The following USP16 variants were observed in gnomAD, a reference collection of about 807,000 sequenced individuals.
The protein encoded by USP16 is ubiquitin carboxyl-terminal hydrolase 16.
USP16 carries 77 observed loss-of-function variants against 95.9 expected under a neutral mutation model. The ratio of observed to expected loss-of-function variants is 0.80; its 90% confidence interval spans 0.67 to 0.97. The LOEUF is 0.97. Ranked by LOEUF, USP16 falls within the 50% of genes least tolerant of loss-of-function variation. The probability of loss-of-function intolerance (pLI) is 0.00; values close to 1 mark genes in which losing one functional copy is unlikely to be tolerated. For synonymous variants in USP16, 303 were observed against 318.2 expected (o/e 0.95, Z 0.51); for missense variants, 943 against 959.9 (o/e 0.98, Z 0.23).
chr21:29,046,893 A>G lies in USP16; in HGVS notation c.1583A>G (p.Asn528Ser). The G allele has an allele frequency of 6.2e-7, 1 of 1,614,206 alleles. No homozygotes were observed. The highest frequency in any genetic ancestry group is 8.5e-7 in the Non-Finnish European group (1 of 1,180,034). Residue 528 changes from asparagine to serine, a missense_variant, in exon 14 of 18, where the codon AAT becomes AGT. Transcript: ENST00000399976. ...AAAATGATCGAAAGTGTAACTGACAATCAAAAATCCACAGAGGAAGTAGAT... is the reference window on the plus strand; with the variant it reads ...AAAATGATCGAAAGTGTAACTGACAGTCAAAAATCCACAGAGGAAGTAGAT... ...QAKMIESVTDNQKSTEEVDMK... is the reference protein window; with the variant it reads ...QAKMIESVTDSQKSTEEVDMK...
intron 1 of USP16, 49 bp downstream of exon 1, chr21:29,024,826 G>A (rs1369479704): frequency 8.0e-7 from 1 of 1,247,184 alleles, no homozygotes; most frequent in Admixed American, 2.7e-5. Flanking sequence ...CTGGCTTTCT[G>A]CGCTGGGAGA....
At chr21:29,037,792 C>G (rs1005259429) in intron 6 of USP16, among the ~76,000 whole-genome samples, 11 of 152,120 alleles carry the variant, frequency 7.2e-5, no homozygotes, top group South Asian at 6.2e-4. Context: ...CGCCATGTTG[C>G]CTAGGCTAGT....
At chr21:29,027,597 G>C (rs927769917) in intron 1 of USP16, among the ~76,000 whole-genome samples, 1 of 152,216 alleles carries the variant, frequency 6.6e-6, no homozygotes, top group African/African-American at 2.4e-5. Flanking sequence ...TTCAAGATCT[G>C]TGTAAGATGA....
At chr21:29,029,209 C>G (rs551031265) in intron 2 of USP16, among the ~76,000 whole-genome samples, 11 of 152,214 alleles carry the variant, frequency 7.2e-5, no homozygotes, top group South Asian at 2.1e-4. Context: ...GTCAGGAGAT[C>G]GAGACCATCC....
chr21:29,043,270 T>C, intron 12 of USP16, 153 bp from the exon 13 acceptor site: 1 of 517,084 alleles, frequency 1.9e-6, no homozygotes, highest in Non-Finnish European at 3.1e-6. Context: ...GTGTATGAGA[T>C]AAACGAATTT....
intron 1 of USP16, 82 bp from the exon 2 acceptor site, chr21:29,027,791 G>A: frequency 1.1e-6 from 1 of 901,600 alleles, no homozygotes; most frequent in Non-Finnish European, 1.8e-6. Flanking sequence ...TAATATACGT[G>A]GCTTAGTTAT....
In USP16 at chr21:29,050,139, A is replaced by G. The variant is rs2085392329; in HGVS notation, c.2154A>G (p.Glu718=). The G allele has an allele frequency of 6.2e-7, 1 of 1,613,578 alleles. No homozygotes were observed. Among genetic ancestry groups the G allele is most frequent in the African/African-American group, 1.3e-5 (1 of 74,914 alleles). ...RKVNKHIKFP[E]ILDLAPFCTL... ...TTAACAAACACATAAAGTTTCCGGA[A>G]ATCTTAGATTTGGCTCCTTTTTGCA... The change falls in exon 16 of 18, where the codon GAA becomes GAG. Residue 718 remains glutamate, a synonymous_variant. Transcript: ENST00000399976.
Position 29,053,741 on chromosome 21 carries a change from G to C in USP16, c.2194-61G>C, listed in dbSNP as rs145535662. The C allele has an allele frequency of 2.1e-5, 33 of 1,545,524 alleles. No homozygotes were observed. The East Asian group carries it at 6.7e-4, about 32-fold the overall frequency. On this transcript the variant is annotated intron_variant, in intron 16 of 17. Transcript: ENST00000399976. ...CCTTTGCATAGTGTAAACTTGTCTT[G>C]CCCATGACATCTGTGTAAATGGAAC...
At chr21:29,040,481 G>C (rs1055832823) in intron 9 of USP16, 128 bp from the exon 10 acceptor site, 4 of 330,852 alleles carry the variant, frequency 1.2e-5, no homozygotes, top group Non-Finnish European at 1.6e-5. Flanking sequence ...TTGAAAATGT[G>C]ATTTTGGAAT....
Position 29,043,415 on chromosome 21 carries a change from A to G in USP16, c.1180-8A>G. 1 of 1,484,130 alleles carries G rather than the reference A, an allele frequency of 6.7e-7. No homozygotes were observed. The highest frequency in any genetic ancestry group is 8.9e-7 in the Non-Finnish European group (1 of 1,121,242). 91.9% of individuals were successfully genotyped at this position (1,484,130 alleles called of 1,614,324 possible). On this transcript the variant is annotated splice_region_variant and splice_polypyrimidine_tract_variant and intron_variant, in intron 12 of 17. Coordinates refer to ENST00000399976, the MANE Select transcript of USP16 (RefSeq NM_006447.3). ...TTTGTTTTTGACCTATGTTATCTAT[A>G]TTTTAAGAGTGGTAAGAAAAGTGTA...
At chr21:29,026,285 G>A (rs989954441) in intron 1 of USP16, among the ~76,000 whole-genome samples, 5 of 151,862 alleles carry the variant, frequency 3.3e-5, no homozygotes, top group African/African-American at 1.2e-4. Flanking sequence ...GTGAAACCCC[G>A]TCTCTACTAA....
chr21:29,038,603 G>T (rs1488317381), intron 7 of USP16, among the ~76,000 whole-genome samples, 173 bp downstream of exon 7: 1 of 152,146 alleles, frequency 6.6e-6, no homozygotes, highest in African/African-American at 2.4e-5. Context: ...CATTACATCT[G>T]TTTGCTGTGT....
At chr21:29,025,817 G>A (rs1212093404) in intron 1 of USP16, 1 of 723,066 alleles carries the variant, frequency 1.4e-6, no homozygotes. Context: ...ATTTCTTCAG[G>A]ACCTGCTATG....
At position 29,043,465 on chromosome 21, in the gene USP16, G is replaced by A. The variant is rs1471239208; in HGVS notation, c.1222G>A (p.Val408Met). The A allele has an allele frequency of 2.5e-6, 4 of 1,575,400 alleles. No homozygotes were observed. Among genetic ancestry groups the A allele is most frequent in the Non-Finnish European group, 3.4e-6 (4 of 1,164,716 alleles). ...AAATGATAAAAATCTGAAAAAGACA[G>A]TGGAGGATGAAGATCAAGATAGTGA... is the stretch of plus-strand genomic sequence containing the variant. Reference protein sequence around the residue: ...SVNDKNLKKTVEDEDQDSEEE... With the variant: ...SVNDKNLKKTMEDEDQDSEEE... Residue 408 changes from valine to methionine, a missense_variant, in exon 13 of 18, where the codon GTG becomes ATG. Transcript: ENST00000399976.
chr21:29,050,045 AT>A (rs2085390381), intron 15 of USP16, 46 bp from the exon 16 acceptor site: 7 of 1,567,726 alleles, frequency 4.5e-6, no homozygotes, highest in African/African-American at 4.1e-5. Context: ...CTTAACCTGT[AT>A]TGCTTTTCCA....
Position 29,029,269 on chromosome 21 carries a change from T to C in USP16, c.61+1295T>C, listed in dbSNP as rs935259859. ...TCTACTAAACATACAAAAAATTAGC[T>C]GGGCGTGGTGGCGGGCGCCTGTAGT... On this transcript the variant is annotated intron_variant, in intron 2 of 17. Transcript: ENST00000399976. Among the ~76,000 whole-genome samples, 7 of 152,188 alleles carry C rather than the reference T, an allele frequency of 4.6e-5. No individual in the cohort carries two copies. The East Asian group carries it at 5.8e-4, about 13-fold the overall frequency.
chr21:29,039,688 T>A (rs1419156617), intron 9 of USP16, 120 bp downstream of exon 9: 4 of 945,288 alleles, frequency 4.2e-6, no homozygotes, highest in Non-Finnish European at 6.0e-6. Context: ...ACTTTAAAAT[T>A]TTTTCTTACA....
At position 29,041,864 on chromosome 21, in the gene USP16, AAAG is replaced by A; in HGVS notation, c.1031-148_1031-146del. ...ATAATACTGACTTCTATTGCTTAAA[AAAG>A]GTGATTATGAATGGAGGAAGAAGTC... On this transcript the variant is annotated intron_variant, in intron 10 of 17. Transcript: ENST00000399976. 4.7e-6 allele frequency: 3 copies of A among 638,042 alleles called. No homozygotes were observed. The East Asian group carries it at 8.3e-5, about 18-fold the overall frequency. The allele number at this position is 638,042 out of a possible 1,614,324, so 39.5% of individuals were successfully genotyped here. A position where few individuals can be genotyped will look rare whatever the true frequency, so the allele number is the denominator to read the frequency against.
At chr21:29,047,359 CAG>C in intron 14 of USP16, 38 bp downstream of exon 14, 1 of 1,565,398 alleles carries the variant, frequency 6.4e-7, no homozygotes, top group Non-Finnish European at 8.6e-7. Context: ...AATTAATATT[CAG>C]GGGCACATTT....
Sources: allele counts gnomAD v4.1 joint callset (sites outside exome capture counted in the v4.1 genomes callset), GRCh38; gene constraint gnomAD v4.1.1; transcripts MANE v1.5; gene names NCBI Gene and HGNC (gene_info 2026-07-23, HGNC 2026-07-21).